PLPPR5: variants seen among roughly 807,000 people sequenced by gnomAD.
PLPPR5 encodes the protein phospholipid phosphatase related 5, also known as phospholipid phosphatase-related protein type 5.
A neutral mutation model predicts 33.9 loss-of-function variants in PLPPR5; 16 were observed. That is an observed-to-expected ratio of 0.47 (90% CI 0.32 to 0.72). The LOEUF (loss-of-function observed/expected upper bound fraction) is 0.72. Among genes scored for constraint, PLPPR5 ranks in the 30% least tolerant of loss-of-function variants. PLPPR5 has a pLI of 0.03. For synonymous variants in PLPPR5, 163 were observed against 150.3 expected, an observed-to-expected ratio of 1.08 and a Z score of -0.62; for missense variants, 301 against 406.7, an observed-to-expected ratio of 0.74 and a Z score of 2.23.
intron 1 of PLPPR5, among the ~76,000 whole-genome samples, chr1:98,963,285 T>C (rs1292955872): frequency 6.6e-6 from 1 of 152,228 alleles, no homozygotes; most frequent in Non-Finnish European, 1.5e-5. Context: ...CCCTTCTCTG[T>C]GTTCCAATGG....
intron 5 of PLPPR5, among the ~76,000 whole-genome samples, chr1:98,899,924 T>C (rs1570679606): frequency 6.6e-6 from 1 of 152,174 alleles, no homozygotes; most frequent in East Asian, 1.9e-4. Context: ...TTGGTGGATA[T>C]GGGTATCCAT....
At chr1:98,979,736 G>A (rs1651989676) in intron 1 of PLPPR5, among the ~76,000 whole-genome samples, 1 of 152,014 alleles carries the variant, frequency 6.6e-6, no homozygotes, top group Non-Finnish European at 1.5e-5. Flanking sequence ...CAGATCGTGT[G>A]CCTGGGATCT....
chr1:98,921,816 A>G (rs1261064360), intron 4 of PLPPR5, 66 bp downstream of exon 4: 14 of 1,322,032 alleles, frequency 1.1e-5, no homozygotes, highest in Middle Eastern at 1.9e-4. Flanking sequence ...TCACACTTGT[A>G]TTTTCTCATG....
At chr1:98,927,263 C>T (rs1421864564) in intron 3 of PLPPR5, among the ~76,000 whole-genome samples, 1 of 152,142 alleles carries the variant, frequency 6.6e-6, no homozygotes, top group East Asian at 1.9e-4. Flanking sequence ...CTTAGTTGTT[C>T]TCAGTTTCTC....
intron 1 of PLPPR5, among the ~76,000 whole-genome samples, chr1:99,002,158 G>A (rs189695137): frequency 4.6e-5 from 7 of 152,088 alleles, no homozygotes; most frequent in African/African-American, 1.7e-4. Context: ...TGGTGACAGA[G>A]TGCACTATTC....
At chr1:98,957,479 C>T (rs1651058655) in intron 1 of PLPPR5, among the ~76,000 whole-genome samples, 1 of 151,412 alleles carries the variant, frequency 6.6e-6, no homozygotes, top group African/African-American at 2.4e-5. Context: ...AATTAAATTC[C>T]ATGTTTTATT....
chr1:98,976,176 C>T (rs114615824), intron 1 of PLPPR5, among the ~76,000 whole-genome samples: 3,167 of 146,352 alleles, frequency 0.022, 46 homozygotes, highest in African/African-American at 0.036. Context: ...ATAAAATGAG[C>T]TAACAAAAGG....
intron 5 of PLPPR5, among the ~76,000 whole-genome samples, chr1:98,905,211 A>G (rs1208746971): frequency 3.3e-5 from 5 of 152,190 alleles, no homozygotes; most frequent in African/African-American, 9.6e-5. Context: ...TGCTTACAGG[A>G]TAAGAATCAA....
At chr1:98,944,748 C>T (rs1557678701) in intron 3 of PLPPR5, among the ~76,000 whole-genome samples, 1 of 152,160 alleles carries the variant, frequency 6.6e-6, no homozygotes, top group Non-Finnish European at 1.5e-5. Flanking sequence ...CAGGTACAGG[C>T]TGTGGGGAAA....
At chr1:98,977,298 A>G (rs2100749082) in intron 1 of PLPPR5, among the ~76,000 whole-genome samples, 1 of 152,002 alleles carries the variant, frequency 6.6e-6, no homozygotes, top group East Asian at 1.9e-4. Flanking sequence ...CAGCTTAAAC[A>G]TGTCAATCAC....
rs1651455353 is a variant in PLPPR5 at position 98,966,476 on chromosome 1, G to A, written c.238-9735C>T. On this transcript the variant is annotated intron_variant, in intron 1 of 5. Coordinates refer to ENST00000263177, the MANE Select transcript of PLPPR5 (RefSeq NM_001037317.2). ...TTTAATTTTCAAAGCAATCTGATGAGGTAGATGCTATTATTAAAATCCAGT... is the reference window on the plus strand; with the variant it reads ...TTTAATTTTCAAAGCAATCTGATGAAGTAGATGCTATTATTAAAATCCAGT... Among the ~76,000 whole-genome samples, 3 of 152,090 alleles carry A rather than the reference G, an allele frequency of 2.0e-5. No individual in the cohort carries two copies. In the South Asian group the frequency reaches 6.2e-4, roughly 32 times the overall value.
Position 98,961,918 on chromosome 1 carries a change from T to A in PLPPR5, c.238-5177A>T, listed in dbSNP as rs540664247. ...CCCTGCTCCACTAAGGAATCCTAAA[T>A]CTGCATATTTCCCCTAAACCCCAGA... On this transcript the variant is annotated intron_variant, in intron 1 of 5. Coordinates refer to ENST00000263177, the MANE Select transcript of PLPPR5 (RefSeq NM_001037317.2). 2.0e-5 allele frequency among the ~76,000 whole-genome samples: 3 copies of A among 152,252 alleles called. No homozygotes were observed. In the South Asian group the frequency reaches 6.2e-4, roughly 32 times the overall value.
intron 3 of PLPPR5, among the ~76,000 whole-genome samples, chr1:98,940,631 A>T (rs1650336809): frequency 1.3e-5 from 2 of 151,838 alleles, no homozygotes; most frequent in Non-Finnish European, 2.9e-5. Flanking sequence ...TAGGGGTGTT[A>T]CTCCAGTGGC....
chr1:99,004,889 G>C (rs1653020643), upstream of PLPPR5: 1 of 212,208 alleles, frequency 4.7e-6, no homozygotes, highest in Non-Finnish European at 9.2e-6. Flanking sequence ...CCCCGGACGA[G>C]CCCCCTCTCC....
chr1:98,997,993 G>A (rs1652687771), intron 1 of PLPPR5, among the ~76,000 whole-genome samples: 1 of 152,004 alleles, frequency 6.6e-6, no homozygotes, highest in Non-Finnish European at 1.5e-5. Flanking sequence ...AGAGGTGAAG[G>A]GAGAAAAAAA....
intron 1 of PLPPR5, among the ~76,000 whole-genome samples, chr1:98,989,670 T>C (rs1353876769): frequency 6.6e-6 from 1 of 152,180 alleles, no homozygotes; most frequent in African/African-American, 2.4e-5. Flanking sequence ...AAGTTATTTA[T>C]CTGCCCTTCC....
At position 98,975,412 on chromosome 1, in the gene PLPPR5, C is replaced by T. The variant is rs115278445; in HGVS notation, c.238-18671G>A. Among the ~76,000 whole-genome samples the T allele has an allele frequency of 3.6e-3, 550 of 152,140 alleles. 1 individual carries two copies. The highest frequency in any genetic ancestry group is 6.3e-3 in the Non-Finnish European group (428 of 67,952). On this transcript the variant is annotated intron_variant, in intron 1 of 5. Coordinates refer to ENST00000263177, the MANE Select transcript of PLPPR5 (RefSeq NM_001037317.2). ...GAAATCACGGCATGTGATTCATGTCCTTGGAGATGTACAGGAAGCAGGGAG... is the reference window on the plus strand; with the variant it reads ...GAAATCACGGCATGTGATTCATGTCTTTGGAGATGTACAGGAAGCAGGGAG...
At chr1:98,900,658 T>C (rs1322126982) in intron 5 of PLPPR5, among the ~76,000 whole-genome samples, 2 of 152,184 alleles carry the variant, frequency 1.3e-5, no homozygotes, top group African/African-American at 2.4e-5. Context: ...TATTTCATTT[T>C]CCTTTAACTT....
chr1:98,905,479 A>G (rs1420514810), intron 5 of PLPPR5, among the ~76,000 whole-genome samples: 1 of 152,046 alleles, frequency 6.6e-6, no homozygotes, highest in African/African-American at 2.4e-5. Context: ...ATGCTTGAAC[A>G]TTTTTCCTAG....
Sources: allele counts gnomAD v4.1 joint callset (sites outside exome capture counted in the v4.1 genomes callset), GRCh38; gene constraint gnomAD v4.1.1; transcripts MANE v1.5; gene names NCBI Gene and HGNC (gene_info 2026-07-23, HGNC 2026-07-21).